Variants in NEMP2 observed in about 807,000 individuals in gnomAD.
The protein encoded by NEMP2 is nuclear envelope integral membrane protein 2.
Under a neutral mutation model 54.2 loss-of-function variants are expected in NEMP2, and 53 were observed. The ratio of observed to expected loss-of-function variants is 0.98; its 90% CI spans 0.78 to 1.23. The LOEUF is 1.23. Among genes scored for constraint, NEMP2 ranks in the 50% most tolerant of loss-of-function variants. The pLI is 0.00. For synonymous variants in NEMP2, 197 were observed against 190.3 expected, an observed-to-expected ratio of 1.04 and a Z score of -0.29; for missense variants, 455 against 511.3, an observed-to-expected ratio of 0.89 and a Z score of 1.06.
chr2:190,597,098 C>CA, the NEMP2 span, among the ~76,000 whole-genome samples: 4 of 151,944 alleles, frequency 2.6e-5, no homozygotes, highest in South Asian at 2.1e-4. The surrounding 1 kb of genome is among the most constrained non-coding windows in gnomAD (Gnocchi z 4.7). Flanking sequence ...CCCACCTCTA[C>CA]AAAAAAATTT....
the NEMP2 span, among the ~76,000 whole-genome samples, chr2:190,428,839 A>C: frequency 6.6e-6 from 1 of 151,658 alleles, no homozygotes; most frequent in Non-Finnish European, 1.5e-5. Context: ...TGCCTGGCTA[A>C]TTTTTTTAGT....
the NEMP2 span, among the ~76,000 whole-genome samples, chr2:190,613,872 G>A: frequency 1.3e-5 from 2 of 151,968 alleles, no homozygotes; most frequent in African/African-American, 4.8e-5. Flanking sequence ...TTACAGACGT[G>A]AGCCACCGTG....
chr2:190,567,212 A>T, the NEMP2 span, among the ~76,000 whole-genome samples: 1 of 152,144 alleles, frequency 6.6e-6, no homozygotes, highest in Admixed American at 6.5e-5. The surrounding 1 kb of genome is among the most constrained non-coding windows in gnomAD (Gnocchi z 4.0). Flanking sequence ...CAGTAGTAGG[A>T]GTAGGAGATA....
At chr2:190,440,872 G>T in the NEMP2 span, among the ~76,000 whole-genome samples, 25 of 152,192 alleles carry the variant, frequency 1.6e-4, no homozygotes, top group Non-Finnish European at 4.4e-5. Context: ...GATGCAGCTA[G>T]TAAGAGGAGG....
At chr2:190,640,445 T>C in the NEMP2 span, among the ~76,000 whole-genome samples, 3 of 152,214 alleles carry the variant, frequency 2.0e-5, no homozygotes, top group Non-Finnish European at 4.4e-5. Context: ...AAAACCCTTA[T>C]TCTGCCACTA....
the NEMP2 span, among the ~76,000 whole-genome samples, chr2:190,583,891 C>G: frequency 6.6e-6 from 1 of 152,224 alleles, no homozygotes; most frequent in African/African-American, 2.4e-5. Flanking sequence ...CCCTCTTTGG[C>G]GCCTGGCCAT....
chr2:190,569,117 ACAG>A, the NEMP2 span, among the ~76,000 whole-genome samples: 1 of 152,228 alleles, frequency 6.6e-6, no homozygotes, highest in Non-Finnish European at 1.5e-5. Context: ...TGCAGGTTGT[ACAG>A]GGAAAAGGGC....
chr2:190,585,759 G>A, the NEMP2 span, among the ~76,000 whole-genome samples: 4 of 152,170 alleles, frequency 2.6e-5, no homozygotes, highest in South Asian at 2.1e-4. The surrounding 1 kb of genome is among the most constrained non-coding windows in gnomAD (Gnocchi z 5.3). Flanking sequence ...TGCCTTCCTC[G>A]AGATATGGGG....
chr2:190,600,596 T>A, the NEMP2 span, among the ~76,000 whole-genome samples: 2 of 152,116 alleles, frequency 1.3e-5, no homozygotes, highest in African/African-American at 2.4e-5. This position sits in a 1 kb window ranked among gnomAD's most constrained non-coding sequence, Gnocchi z 4.9. Context: ...GACTGGGTTG[T>A]TAAAGAGAGT....
rs1002589293 is a variant in NEMP2 at position 190,522,390 on chromosome 2, T to C, written c.213+2873A>G. On this transcript the variant is annotated intron_variant, in intron 2 of 8. Transcript: ENST00000409150. The surrounding 1 kb of genome is among the most constrained non-coding windows in gnomAD (Gnocchi z 5.0). ...TCTAAAAAATTAAAAATTAAGAAGG[T>C]TTTTTTTAAAAAAACAAAATCTCAC... 6.6e-6 allele frequency among the ~76,000 whole-genome samples: 1 copy of C among 151,678 alleles called. No individual in the cohort carries two copies. Among genetic ancestry groups the C allele is most frequent in the African/African-American group, 2.4e-5 (1 of 41,274 alleles).
chr2:190,461,942 A>G, the NEMP2 span, among the ~76,000 whole-genome samples: 1 of 152,142 alleles, frequency 6.6e-6, no homozygotes, highest in African/African-American at 2.4e-5. This position sits in a 1 kb window ranked among gnomAD's most constrained non-coding sequence, Gnocchi z 5.5. Context: ...TGCCTTTCCC[A>G]TGCCTAATTT....
At chr2:190,647,961 G>A in the NEMP2 span, among the ~76,000 whole-genome samples, 3 of 152,162 alleles carry the variant, frequency 2.0e-5, no homozygotes, top group Admixed American at 6.5e-5. Context: ...TGATCCGCCC[G>A]CCTCGGCCTC....
chr2:190,501,053 T>C (rs1574278528), downstream of NEMP2: 1 of 152,354 alleles, frequency 6.6e-6, no homozygotes, highest in East Asian at 1.9e-4. Flanking sequence ...CCTCTCTCGC[T>C]ATTTACTATC....
the NEMP2 span, among the ~76,000 whole-genome samples, chr2:190,556,215 C>T: frequency 6.6e-6 from 1 of 152,182 alleles, no homozygotes; most frequent in Non-Finnish European, 1.5e-5. Flanking sequence ...AAAACAGAAC[C>T]AATGCCAAAA....
chr2:190,546,422 A>G, the NEMP2 span, among the ~76,000 whole-genome samples: 3 of 152,128 alleles, frequency 2.0e-5, no homozygotes, highest in South Asian at 2.1e-4. The surrounding 1 kb of genome is among the most constrained non-coding windows in gnomAD (Gnocchi z 5.1). Flanking sequence ...GCAACATTTT[A>G]TATCAGAGAT....
upstream of NEMP2, among the ~76,000 whole-genome samples, chr2:190,539,297 C>T (rs1381506832): frequency 6.6e-6 from 1 of 152,122 alleles, no homozygotes; most frequent in Non-Finnish European, 1.5e-5. The surrounding 1 kb of genome is among the most constrained non-coding windows in gnomAD (Gnocchi z 4.1). Context: ...TATTCTGTGC[C>T]ATTGGTCTAT....
chr2:190,515,091 C>T (rs1038766676), intron 6 of NEMP2, among the ~76,000 whole-genome samples: 1 of 152,062 alleles, frequency 6.6e-6, no homozygotes, highest in African/African-American at 2.4e-5. Context: ...CCCTCTGAAT[C>T]CAATGTTCAG....
rs1690327367 is a variant in NEMP2, at chr2:190,510,614, G to C, written c.954-77C>G. The C allele has an allele frequency of 6.8e-7, 1 of 1,469,366 alleles. No homozygotes were observed. Among genetic ancestry groups the C allele is most frequent in the Non-Finnish European group, 9.3e-7 (1 of 1,079,846 alleles). The allele number at this position is 1,469,366 out of a possible 1,614,324, so 91.0% of individuals were successfully genotyped here. On this transcript the variant is annotated intron_variant, in intron 7 of 8. Coordinates refer to ENST00000409150, the MANE Select transcript of NEMP2 (RefSeq NM_001142645.2). The surrounding 1 kb of genome is among the most constrained non-coding windows in gnomAD (Gnocchi z 5.7). ...TTTACAAAAATAGGCCAGGCTCGGTGGCTCACGCCTGTAATCCAGCATTTT... is the reference window on the plus strand; with the variant it reads ...TTTACAAAAATAGGCCAGGCTCGGTCGCTCACGCCTGTAATCCAGCATTTT...
At chr2:190,583,250 T>C in the NEMP2 span, among the ~76,000 whole-genome samples, 1 of 150,070 alleles carries the variant, frequency 6.7e-6, no homozygotes, top group Non-Finnish European at 1.5e-5. Context: ...TTTTTTTTAA[T>C]CCCTAGAGAT....
Sources: gnomAD v4.1 joint callset for allele counts (sites outside exome capture counted in the v4.1 genomes callset) on GRCh38, gnomAD v4.1.1 for gene constraint, Gnocchi (gnomAD v3.1) non-coding constraint, MANE v1.5 for transcripts, NCBI Gene and HGNC (gene_info 2026-07-23, HGNC 2026-07-21) for gene names.